ZDHHC14: variants seen among roughly 807,000 people sequenced by gnomAD.
ZDHHC14 encodes the protein zDHHC palmitoyltransferase 14.
ZDHHC14 carries 16 observed loss-of-function variants against 47.7 expected under a neutral mutation model. The observed-to-expected ratio is 0.34, with a 90% CI of 0.23 to 0.51. The LOEUF (loss-of-function observed/expected upper bound fraction) is 0.51. ZDHHC14 is among the 20% of genes least tolerant of loss of function. The probability of loss-of-function intolerance (pLI) is 0.97; values close to 1 mark genes in which losing one functional copy is unlikely to be tolerated. For missense variants in ZDHHC14, 515 were observed against 662.5 expected, an observed-to-expected ratio of 0.78 and a Z score of 2.44; for synonymous variants, 293 against 278.9, an observed-to-expected ratio of 1.05 and a Z score of -0.50.
At chr6:157,484,306 C>CATATAT (rs1042050871) in intron 1 of ZDHHC14, among the ~76,000 whole-genome samples, 2 of 90,160 alleles carry the variant, frequency 2.2e-5, no homozygotes, top group South Asian at 3.1e-4. Flanking sequence ...TATATATATA[C>CATATAT]ATATATATAC....
chr6:157,423,038 A>G (rs1275084069), intron 1 of ZDHHC14, among the ~76,000 whole-genome samples: 1 of 152,214 alleles, frequency 6.6e-6, no homozygotes, highest in Non-Finnish European at 1.5e-5. Flanking sequence ...TTCCAGGCCA[A>G]ACAAACTAGA....
In ZDHHC14 at chr6:157,502,882, G is replaced by A. The variant is rs903944746; in HGVS notation, c.246-39703G>A. ...ATTTTTGTATTTTTAATAGAGATGGGGTTTTACCATGTTGCCCAGGCTGGT... is the reference window on the plus strand; with the variant it reads ...ATTTTTGTATTTTTAATAGAGATGGAGTTTTACCATGTTGCCCAGGCTGGT... On this transcript the variant is annotated intron_variant, in intron 1 of 8. Transcript: ENST00000359775. The surrounding 1 kb of genome is among the most constrained non-coding windows in gnomAD (Gnocchi z 4.0). 1.2e-4 allele frequency among the ~76,000 whole-genome samples: 18 copies of A among 152,046 alleles called. No individual in the cohort carries two copies. Among genetic ancestry groups the A allele is most frequent in the Non-Finnish European group, 1.8e-4 (12 of 68,012 alleles).
chr6:157,624,579 G>T (rs749903306), intron 3 of ZDHHC14, among the ~76,000 whole-genome samples: 1 of 152,184 alleles, frequency 6.6e-6, no homozygotes, highest in East Asian at 1.9e-4. Context: ...ACAGTGCTGG[G>T]TACATGGAAA....
At chr6:157,491,746 G>T (rs1165934750) in intron 1 of ZDHHC14, among the ~76,000 whole-genome samples, 1 of 152,304 alleles carries the variant, frequency 6.6e-6, no homozygotes, top group East Asian at 1.9e-4. Flanking sequence ...ATTGACAAGT[G>T]ACTCTGGCTC....
chr6:157,438,954 G>C (rs1052762123), intron 1 of ZDHHC14, among the ~76,000 whole-genome samples: 1 of 152,162 alleles, frequency 6.6e-6, no homozygotes, highest in Non-Finnish European at 1.5e-5. Flanking sequence ...AATTCATCTA[G>C]AATTGAGCAT....
At chr6:157,424,347 T>C (rs1290812406) in intron 1 of ZDHHC14, among the ~76,000 whole-genome samples, 1 of 152,202 alleles carries the variant, frequency 6.6e-6, no homozygotes, top group Non-Finnish European at 1.5e-5. Flanking sequence ...GAAGGCAGTA[T>C]GGAGATGTCA....
At chr6:157,671,096 T>C (rs1778776612) in intron 8 of ZDHHC14, among the ~76,000 whole-genome samples, 1 of 152,146 alleles carries the variant, frequency 6.6e-6, no homozygotes. Flanking sequence ...GAGTCTCTTA[T>C]CAGGAAGAGG....
Position 157,593,017 on chromosome 6 carries a change from T to C in ZDHHC14, c.436T>C (p.Tyr146His). Residue 146 changes from tyrosine (Y) to histidine (H), a missense_variant, in exon 3 of 9, where the codon TAC becomes CAC. This residue lies in a region of ZDHHC14 where 229 missense variants were observed against 351.5 expected (regional missense o/e 0.65). Transcript: ENST00000359775. Reference protein sequence around the residue: ...DIANGTSSGGYRPPPRTKEVI... With the variant: ...DIANGTSSGGHRPPPRTKEVI... ...CGCAAACGGCACCAGTTCAGGGGGG[T>C]ACCGCCCGCCTCCCAGAACCAAAGA... The C allele has an allele frequency of 3.1e-6, 5 of 1,613,858 alleles. No homozygotes were observed. The highest frequency in any genetic ancestry group is 4.2e-6 in the Non-Finnish European group (5 of 1,179,900).
chr6:157,491,756 C>G (rs1355588129), intron 1 of ZDHHC14, among the ~76,000 whole-genome samples: 4 of 152,172 alleles, frequency 2.6e-5, no homozygotes, highest in Non-Finnish European at 4.4e-5. Flanking sequence ...GACTCTGGCT[C>G]TCACCTGATT....
intron 1 of ZDHHC14, among the ~76,000 whole-genome samples, chr6:157,404,662 G>A (rs1777708573): frequency 6.6e-6 from 1 of 152,298 alleles, no homozygotes; most frequent in African/African-American, 2.4e-5. Context: ...AGGACAGAAA[G>A]TCCCTGGGGC....
chr6:157,612,064 C>G (rs911204087), intron 3 of ZDHHC14, among the ~76,000 whole-genome samples: 1 of 152,158 alleles, frequency 6.6e-6, no homozygotes, highest in Non-Finnish European at 1.5e-5. Context: ...GAGGGCCAGC[C>G]CCATTCACAG....
Position 157,578,706 on chromosome 6 carries a change from T to A in ZDHHC14, c.407-14282T>A, listed in dbSNP as rs144315146. Among the ~76,000 whole-genome samples, 1,128 of 152,250 alleles carry A rather than the reference T, an allele frequency of 7.4e-3. 21 individuals are homozygous for A. Among genetic ancestry groups the A allele is most frequent in the African/African-American group, 0.025 (1,029 of 41,532 alleles). On this transcript the variant is annotated intron_variant, in intron 2 of 8. Transcript: ENST00000359775. ...GTGATAGTGGGTGAGTCTCACGAGA[T>A]CTGATGGTTTTATAAGTGGCTGGCA...
intron 1 of ZDHHC14, among the ~76,000 whole-genome samples, chr6:157,530,994 GCCCTTTTTCTCC>G (rs1562464784): frequency 6.6e-6 from 1 of 151,866 alleles, no homozygotes; most frequent in African/African-American, 2.4e-5. Context: ...AAAGAAGGTG[GCCCTTTTTCTCC>G]CCCAGGAGAG....
At chr6:157,581,762 A>C (rs955691421) in intron 2 of ZDHHC14, among the ~76,000 whole-genome samples, 1 of 151,600 alleles carries the variant, frequency 6.6e-6, no homozygotes, top group African/African-American at 2.4e-5. Context: ...TCTGTTTTCC[A>C]TTTGCTTGGT....
At position 157,625,437 on chromosome 6, in the gene ZDHHC14, G is replaced by A. The variant is rs978601182; in HGVS notation, c.566-2912G>A. On this transcript the variant is annotated intron_variant, in intron 3 of 8. Coordinates refer to ENST00000359775, the MANE Select transcript of ZDHHC14 (RefSeq NM_024630.3). ...CTGTTGCTGAAGGTGAGAGGCCGCC[G>A]TTTTGGAGTCATCAGTGTAGAGTGG... 7.2e-5 allele frequency among the ~76,000 whole-genome samples: 11 copies of A among 152,244 alleles called. No individual in the cohort carries two copies. The South Asian group carries it at 1.5e-3, about 20-fold the overall frequency.
Position 157,418,848 on chromosome 6 carries a change from A to G in ZDHHC14, c.245+36582A>G, listed in dbSNP as rs1042048814. On this transcript the variant is annotated intron_variant, in intron 1 of 8. Coordinates refer to ENST00000359775, the MANE Select transcript of ZDHHC14 (RefSeq NM_024630.3). ...TTCCTTGTTAGTCAGAGCCCCACAC[A>G]TATGTCCAAGATAAGGCTATTTAAA... 2.6e-5 allele frequency among the ~76,000 whole-genome samples: 4 copies of G among 152,210 alleles called. No individual in the cohort carries two copies. The South Asian group carries it at 6.2e-4, about 24-fold the overall frequency.
intron 2 of ZDHHC14, among the ~76,000 whole-genome samples, chr6:157,553,332 G>A (rs1161052083): frequency 3.3e-5 from 5 of 152,256 alleles, no homozygotes; most frequent in Non-Finnish European, 2.9e-5. Context: ...TGCAGAAACA[G>A]ACATAGAAGC....
chr6:157,638,311 A>G (rs1210970556), intron 5 of ZDHHC14, among the ~76,000 whole-genome samples: 3 of 151,692 alleles, frequency 2.0e-5, no homozygotes, highest in South Asian at 2.1e-4. Flanking sequence ...TCCTCCTCCT[A>G]CTCCTTCCTT....
intron 5 of ZDHHC14, among the ~76,000 whole-genome samples, chr6:157,635,094 A>G (rs1220935172): frequency 6.6e-6 from 1 of 152,048 alleles, no homozygotes; most frequent in Admixed American, 6.5e-5. Flanking sequence ...CCCGGGTTCA[A>G]GCGATTCTCC....
Sources: gnomAD v4.1 joint callset for allele counts (sites outside exome capture counted in the v4.1 genomes callset) on GRCh38, gnomAD v4.1.1 for gene constraint, gnomAD v4.1.1 regional missense constraint, Gnocchi (gnomAD v3.1) non-coding constraint, MANE v1.5 for transcripts, NCBI Gene and HGNC (gene_info 2026-07-23, HGNC 2026-07-21) for gene names.